EGF: variants seen among roughly 807,000 people sequenced by gnomAD.
The protein encoded by EGF is pro-epidermal growth factor.
EGF carries 95 observed loss-of-function variants against 143.8 expected under a neutral mutation model. The observed-to-expected ratio is 0.66, with a 90% confidence interval of 0.56 to 0.78. The LOEUF is 0.78. Ranked by LOEUF, EGF falls within the 30% of genes least tolerant of loss-of-function variation. The pLI is 0.00. For synonymous variants in EGF, 510 were observed against 510.5 expected (o/e 1.00, Z 0.01); for missense variants, 1,320 against 1,470.9 (o/e 0.90, Z 1.68).
chr4:109,951,768 G>A (rs962867302), intron 5 of EGF, among the ~76,000 whole-genome samples: 3 of 152,114 alleles, frequency 2.0e-5, no homozygotes, highest in African/African-American at 4.8e-5. Context: ...AGACAGACTG[G>A]TAACATGCTG....
chr4:109,976,839 G>A (rs1370635590), intron 13 of EGF, among the ~76,000 whole-genome samples: 2 of 152,194 alleles, frequency 1.3e-5, no homozygotes, highest in Non-Finnish European at 2.9e-5. Context: ...TTATAAGCCT[G>A]CAAAAATTGG....
chr4:109,984,320 G>A (rs1469438327), intron 16 of EGF, among the ~76,000 whole-genome samples: 1 of 151,810 alleles, frequency 6.6e-6, no homozygotes, highest in Non-Finnish European at 1.5e-5. Context: ...AACTTTTGTG[G>A]TCTGCAAACT....
At chr4:109,943,473 C>G in intron 3 of EGF, 38 bp downstream of exon 3, 1 of 1,585,090 alleles carries the variant, frequency 6.3e-7, no homozygotes, top group Non-Finnish European at 8.7e-7. Flanking sequence ...AATATATTTA[C>G]AAATCTAGTG....
intron 5 of EGF, among the ~76,000 whole-genome samples, chr4:109,957,332 C>T (rs995884755): frequency 1.3e-5 from 2 of 152,212 alleles, no homozygotes; most frequent in Non-Finnish European, 2.9e-5. Context: ...TCAGCTTTAA[C>T]TGGTATCATA....
At chr4:109,981,087 CT>C in intron 15 of EGF, 112 bp downstream of exon 15, 1 of 1,484,218 alleles carries the variant, frequency 6.7e-7, no homozygotes, top group Non-Finnish European at 9.4e-7. Context: ...AAAAGTTCTC[CT>C]GTTTTTAGGA....
rs1168528444 is a variant in EGF, at chr4:109,969,095, G to A, written c.1700G>A (p.Arg567His). Residue 567 changes from arginine (R) to histidine (H), a missense_variant, in exon 11 of 24, where the codon CGT (arginine) becomes CAT (histidine). Around this residue, in one of 5 missense-constraint regions of EGF, gnomAD observed 1,186 missense variants for 1,313.7 expected, o/e 0.90. Coordinates refer to ENST00000265171, the MANE Select transcript of EGF (RefSeq NM_001963.6). ...PEGLAVDWIGRRFYWTDRGKS... is the reference protein window; with the variant it reads ...PEGLAVDWIGHRFYWTDRGKS... ...GGTCTTGCTGTGGACTGGATTGGCCGTAGATTCTATTGGACAGACAGAGGG... is the reference window on the plus strand; with the variant it reads ...GGTCTTGCTGTGGACTGGATTGGCCATAGATTCTATTGGACAGACAGAGGG... The A allele has an allele frequency of 1.7e-5, 27 of 1,614,018 alleles. No homozygotes were observed. Among genetic ancestry groups the A allele is most frequent in the South Asian group, 5.5e-5 (5 of 91,082 alleles).
chr4:110,011,121 C>CA, intron 23 of EGF, 81 bp from the exon 24 acceptor site: 1 of 1,531,272 alleles, frequency 6.5e-7, no homozygotes, highest in Non-Finnish European at 8.9e-7. Context: ...GCCAGTTCTT[C>CA]AACCACTACC....
intron 1 of EGF, among the ~76,000 whole-genome samples, chr4:109,916,854 A>G (rs1407521606): frequency 2.0e-5 from 3 of 152,234 alleles, no homozygotes; most frequent in African/African-American, 7.2e-5. Context: ...AAAATGCCAT[A>G]GTGAAAAACC....
chr4:109,968,608 ACAATAG>A (rs2126079875), intron 10 of EGF, among the ~76,000 whole-genome samples: 1 of 152,074 alleles, frequency 6.6e-6, no homozygotes, highest in South Asian at 2.1e-4. Flanking sequence ...TATAGCAATA[ACAATAG>A]CAATAGCAAT....
At chr4:110,004,319 G>T in intron 21 of EGF, 186 bp from the exon 22 acceptor site, 1 of 687,796 alleles carries the variant, frequency 1.5e-6, no homozygotes. Context: ...AAAGCATTTT[G>T]AGTTCTGCAG....
intron 2 of EGF, 25 bp from the exon 3 acceptor site, chr4:109,943,229 A>G (rs1449458255): frequency 4.6e-6 from 7 of 1,516,436 alleles, no homozygotes; most frequent in South Asian, 1.2e-5. Flanking sequence ...AGTATTAATA[A>G]CAATTTTAAA....
chr4:109,962,768 T>TA lies in EGF; in HGVS notation c.1313-399dup, dbSNP rs1414072180. ...CATATGAATGATTGTGGAAATGTTT[T>TA]AAAAAATCAACATATGGGCTGAGTG... On this transcript the variant is annotated intron_variant, in intron 8 of 23. Transcript: ENST00000265171. 5.9e-5 allele frequency among the ~76,000 whole-genome samples: 9 copies of TA among 152,230 alleles called. No homozygotes were observed. The South Asian group carries it at 6.2e-4, about 11-fold the overall frequency.
chr4:109,934,728 A>C (rs1340394752), intron 1 of EGF, among the ~76,000 whole-genome samples: 4 of 152,108 alleles, frequency 2.6e-5, no homozygotes, highest in Non-Finnish European at 5.9e-5. Flanking sequence ...AATCTTGAGT[A>C]AATTTTTGTG....
rs1310247090 is a variant in EGF at position 109,943,920 on chromosome 4, G to A, written c.588G>A (p.Leu196=). The A allele has an allele frequency of 4.3e-6, 7 of 1,614,134 alleles. No homozygotes were observed. In the Admixed American group the frequency reaches 1.2e-4, roughly 27 times the overall value. ...DLDGVGVKAL[L]ETSEKITAVS... ...ATGGTGTGGGAGTGAAGGCTCTGTT[G>A]GAGACATCAGAGAAAATAACAGCTG... The change falls in exon 4 of 24, where the codon TTG becomes TTA. Residue 196 remains leucine (L), a synonymous_variant. Transcript: ENST00000265171.
At chr4:109,926,192 T>A (rs969269659) in intron 1 of EGF, among the ~76,000 whole-genome samples, 4 of 151,970 alleles carry the variant, frequency 2.6e-5, no homozygotes, top group Admixed American at 1.3e-4. Flanking sequence ...TCTCTACAAA[T>A]AACTTAAAAA....
Position 109,980,111 on chromosome 4 carries a change from G to A in EGF, c.2193G>A (p.Leu731=). ...LQGSMLKPSS[L]VVVHPLAKPG... is the part of the protein sequence containing the mutation. ...GCAGCATGCTGAAGCCCTCATCACT[G>A]GTTGTGGTTCATCCATTGGCAAAAC... Residue 731 remains leucine (L), a synonymous_variant, in exon 14 of 24, where the codon CTG becomes CTA. Transcript: ENST00000265171. 1 of 1,611,992 alleles carries A rather than the reference G, an allele frequency of 6.2e-7. No individual in the cohort carries two copies. Among genetic ancestry groups the A allele is most frequent in the Non-Finnish European group, 8.5e-7 (1 of 1,178,978 alleles).
intron 1 of EGF, among the ~76,000 whole-genome samples, chr4:109,918,765 G>A (rs554125144): frequency 6.6e-6 from 1 of 152,174 alleles, no homozygotes; most frequent in East Asian, 1.9e-4. Context: ...GCTGTTGGGA[G>A]GGTTGGGGCA....
Position 109,961,974 on chromosome 4 carries a change from A to G in EGF, c.1301A>G (p.Lys434Arg), listed in dbSNP as rs1243949200. 1.2e-6 allele frequency: 2 copies of G among 1,613,846 alleles called. No homozygotes were observed. The highest frequency in any genetic ancestry group is 1.7e-5 in the Admixed American group (1 of 60,008). The change falls in exon 8 of 24, where the codon AAA becomes AGA. Residue 434 changes from lysine (K) to arginine (R), a missense_variant. Physicochemically the swap from Lys to Arg is conservative, Grantham distance 26. Coordinates refer to ENST00000265171, the MANE Select transcript of EGF (RefSeq NM_001963.6). ...PEGSVLERDG[K>R]TCSGCSSPDN... ...GGCTCAGTGCTTGAGAGAGATGGGA[A>G]AACATGTAGCGGTGAGTTTATTTGC...
At chr4:109,979,183 G>C (rs1165907451) in intron 13 of EGF, among the ~76,000 whole-genome samples, 1 of 152,110 alleles carries the variant, frequency 6.6e-6, no homozygotes, top group Non-Finnish European at 1.5e-5. Context: ...AATGGAGGCA[G>C]CTGATAATAA....
Sources: allele counts gnomAD v4.1 joint callset (sites outside exome capture counted in the v4.1 genomes callset), GRCh38; gene constraint gnomAD v4.1.1; regional missense constraint gnomAD v4.1.1; transcripts MANE v1.5; gene names NCBI Gene and HGNC (gene_info 2026-07-23, HGNC 2026-07-21).